Variants in ADAMTS17 observed in about 807,000 individuals in gnomAD.
The protein encoded by ADAMTS17 is A disintegrin and metalloproteinase with thrombospondin motifs 17.
In ADAMTS17, 113 loss-of-function variants were observed where a neutral mutation model predicts 141.5. That is an observed-to-expected ratio of 0.80 (90% CI 0.69 to 0.93). The LOEUF (loss-of-function observed/expected upper bound fraction) is 0.93, where lower values mean the gene tolerates loss of function less well. Ranked by LOEUF, ADAMTS17 falls within the 40% of genes least tolerant of loss-of-function variation. The pLI is 0.00. For synonymous variants in ADAMTS17, 768 were observed against 630.6 expected (o/e 1.22, Z -3.27); for missense variants, 1,659 against 1,517.9 (o/e 1.09, Z -1.54).
At position 100,341,197 on chromosome 15, in the gene ADAMTS17, G is replaced by C. The variant is rs1305614450; in HGVS notation, c.292C>G (p.Arg98Gly). ...CCTCGGGACAGGAAGCGCAGGTCGC[G>C]GCGCAGCTGAAGGTACAGGTCGCGC... The part of the protein sequence containing the change: ...FGRDLYLQLR[R>G]DLRFLSRGFE... Residue 98 changes from arginine (R) to glycine (G), a missense_variant, in exon 2 of 22, where the codon CGC (arginine) becomes GGC (glycine). Physicochemically the swap from Arg to Gly is moderately radical, Grantham distance 125. Transcript: ENST00000268070. 2.1e-6 allele frequency: 3 copies of C among 1,461,746 alleles called. No homozygotes were observed. Among genetic ancestry groups the C allele is most frequent in the Non-Finnish European group, 2.7e-6 (3 of 1,110,474 alleles). The allele number at this position is 1,461,746 out of a possible 1,614,324, so 90.5% of individuals were successfully genotyped here.
At chr15:100,134,018 G>A (rs2038194637) in intron 10 of ADAMTS17, among the ~76,000 whole-genome samples, 1 of 152,230 alleles carries the variant, frequency 6.6e-6, no homozygotes, top group Non-Finnish European at 1.5e-5. Context: ...TGTATCATTA[G>A]GAAATCTGGG....
Position 100,199,356 on chromosome 15 carries a change from G to C in ADAMTS17, c.1143C>G (p.Leu381=), listed in dbSNP as rs149974263. The C allele has an allele frequency of 6.2e-7, 1 of 1,614,102 alleles. No homozygotes were observed. Among genetic ancestry groups the C allele is most frequent in the African/African-American group, 1.3e-5 (1 of 74,950 alleles). ...CATGGGCGATGGTAAAGGCCAAATT[G>C]AGACCATTGTCTTCGGCAAGCACAC... ...RKCVLAEDNG[L]NLAFTIAHEL... The change falls in exon 8 of 22, where the codon CTC becomes CTG. Residue 381 remains leucine, a synonymous_variant. Transcript: ENST00000268070.
intron 12 of ADAMTS17, among the ~76,000 whole-genome samples, chr15:100,125,159 T>G (rs2037665875): frequency 6.6e-6 from 1 of 152,156 alleles, no homozygotes; most frequent in Non-Finnish European, 1.5e-5. Context: ...CTCTGTGAGC[T>G]CTGAGAAGAG....
At chr15:100,038,440 T>C (rs2030950204) in intron 18 of ADAMTS17, among the ~76,000 whole-genome samples, 1 of 152,232 alleles carries the variant, frequency 6.6e-6, no homozygotes, top group South Asian at 2.1e-4. Flanking sequence ...GCACTAAATC[T>C]ATAGATCAAT....
At chr15:99,977,377 TA>T (rs1567632206) in intron 20 of ADAMTS17, among the ~76,000 whole-genome samples, 1,275 of 23,172 alleles carry the variant, frequency 0.055, 300 homozygotes, top group Non-Finnish European at 0.077. Context: ...TATATATATA[TA>T]TATATATATA....
intron 8 of ADAMTS17, among the ~76,000 whole-genome samples, chr15:100,159,468 T>C (rs1264550870): frequency 6.6e-6 from 1 of 152,232 alleles, no homozygotes; most frequent in African/African-American, 2.4e-5. Context: ...AAGTCAACTA[T>C]CTTAAATTTG....
chr15:100,228,692 G>T (rs2042384027), intron 7 of ADAMTS17, among the ~76,000 whole-genome samples: 3 of 152,206 alleles, frequency 2.0e-5, no homozygotes, highest in Non-Finnish European at 2.9e-5. Context: ...TGCTCTTGGA[G>T]AACTCCTATT....
At chr15:100,177,990 TC>T (rs56705662) in intron 8 of ADAMTS17, among the ~76,000 whole-genome samples, 9,586 of 152,196 alleles carry the variant, frequency 0.063, 445 homozygotes, top group East Asian at 0.17. Context: ...CCTGTTTTTT[TC>T]CCACAATGAA....
rs930752914 is a variant in ADAMTS17, at chr15:100,323,021, A to C, written c.616+7868T>G. 2.2e-5 allele frequency among the ~76,000 whole-genome samples: 3 copies of C among 139,532 alleles called. No individual in the cohort carries two copies. The East Asian group carries it at 6.7e-4, about 31-fold the overall frequency. The allele number at this position is 139,532 out of a possible 152,430, so 91.5% of individuals were successfully genotyped here. A position where few individuals can be genotyped will look rare whatever the true frequency, so the allele number is the denominator to read the frequency against. On this transcript the variant is annotated intron_variant, in intron 3 of 21. Coordinates refer to ENST00000268070, the MANE Select transcript of ADAMTS17 (RefSeq NM_139057.4). ...AGAATGGCATGGACCCGGGAGGCGG[A>C]GCTTGCAGTGAGCTGAGATTGTGCC...
intron 12 of ADAMTS17, among the ~76,000 whole-genome samples, chr15:100,120,791 G>GAA (rs2037413617): frequency 6.6e-6 from 1 of 152,218 alleles, no homozygotes; most frequent in Admixed American, 6.5e-5. Context: ...AGATTTGAAT[G>GAA]TCTAGTTTTT....
At chr15:100,038,220 G>A (rs1168812355) in intron 18 of ADAMTS17, among the ~76,000 whole-genome samples, 1 of 152,232 alleles carries the variant, frequency 6.6e-6, no homozygotes, top group Admixed American at 6.5e-5. Flanking sequence ...ATACGCCATT[G>A]TTCTTTATGT....
rs768977289 is a variant in ADAMTS17, at chr15:100,048,857, C to T, written c.2591G>A (p.Arg864Gln). The change falls in exon 18 of 22, where the codon CGG becomes CAG. Residue 864 changes from arginine (R) to glutamine (Q), a missense_variant and splice_region_variant. Transcript: ENST00000268070. The stretch of plus-strand genomic sequence containing the variant: ...CAAGCTACAGAACCCAGCTTCTTAC[C>T]GTGACTGGCAGGGGTGCAAGTTGCA... ...RRCNLHPCQS[R>Q]WVAGPWSPCS... 1.1e-5 allele frequency: 17 copies of T among 1,614,050 alleles called. No homozygotes were observed. The highest frequency in any genetic ancestry group is 8.0e-5 in the African/African-American group (6 of 74,920).
intron 2 of ADAMTS17, 39 bp from the exon 3 acceptor site, chr15:100,331,093 C>T: frequency 6.2e-7 from 1 of 1,612,866 alleles, no homozygotes. Flanking sequence ...GTCGGTCATC[C>T]TCACTCACAC....
At chr15:100,131,329 T>C (rs2038030394) in intron 12 of ADAMTS17, among the ~76,000 whole-genome samples, 1 of 139,396 alleles carries the variant, frequency 7.2e-6, no homozygotes, top group South Asian at 2.2e-4. Flanking sequence ...GGAACAAACC[T>C]GCACATTCTG....
chr15:99,983,733 G>A (rs562875858), intron 20 of ADAMTS17, among the ~76,000 whole-genome samples: 8 of 152,248 alleles, frequency 5.3e-5, no homozygotes, highest in African/African-American at 9.6e-5. Context: ...AATCATGCAA[G>A]GCTGAACTCT....
At chr15:100,135,841 C>T (rs1311921623) in intron 10 of ADAMTS17, among the ~76,000 whole-genome samples, 3 of 152,164 alleles carry the variant, frequency 2.0e-5, no homozygotes, top group Non-Finnish European at 4.4e-5. Context: ...CTTCTTTAGT[C>T]ATCAGGGAAG....
At chr15:100,147,941 G>A (rs1354738597) in intron 10 of ADAMTS17, among the ~76,000 whole-genome samples, 2 of 152,340 alleles carry the variant, frequency 1.3e-5, no homozygotes, top group East Asian at 3.9e-4. Flanking sequence ...AGGCTGTGAG[G>A]TTTCCTCGCC....
At chr15:99,990,517 A>G (rs182621743) in intron 20 of ADAMTS17, among the ~76,000 whole-genome samples, 60 of 152,328 alleles carry the variant, frequency 3.9e-4, no homozygotes, top group Admixed American at 1.4e-3. Context: ...TGTTTTGACC[A>G]GGGAGTAAAT....
chr15:100,156,710 C>A (rs1171518869), intron 8 of ADAMTS17, among the ~76,000 whole-genome samples: 2 of 152,196 alleles, frequency 1.3e-5, no homozygotes, highest in African/African-American at 4.8e-5. Flanking sequence ...CTAAGATAGA[C>A]TGCTGTCCAA....
Sources: gnomAD v4.1 joint callset for allele counts (sites outside exome capture counted in the v4.1 genomes callset) on GRCh38, gnomAD v4.1.1 for gene constraint, MANE v1.5 for transcripts, NCBI Gene and HGNC (gene_info 2026-07-23, HGNC 2026-07-21) for gene names.